The following CCM2 variants were observed in gnomAD, a reference collection of about 807,000 sequenced individuals.
The protein encoded by CCM2 is CCM2 scaffold protein.
CCM2 carries 25 observed loss-of-function variants against 44.9 expected under a neutral mutation model. That is an observed-to-expected ratio of 0.56 (90% CI 0.41 to 0.78). The LOEUF is 0.78. CCM2 is among the 30% of genes least tolerant of loss of function. The pLI is 0.00. For missense variants in CCM2, 481 were observed against 580.6 expected, an observed-to-expected ratio of 0.83 and a Z score of 1.76; for synonymous variants, 219 against 241.1, an observed-to-expected ratio of 0.91 and a Z score of 0.85.
chr7:45,021,256 C>T (rs1017810015), intron 1 of CCM2, among the ~76,000 whole-genome samples: 1 of 151,754 alleles, frequency 6.6e-6, no homozygotes, highest in South Asian at 2.1e-4. Flanking sequence ...GACCCTGTCT[C>T]TAAAAAATAA....
At chr7:45,014,310 T>G (rs1796176352) in intron 1 of CCM2, among the ~76,000 whole-genome samples, 1 of 151,940 alleles carries the variant, frequency 6.6e-6, no homozygotes, top group African/African-American at 2.4e-5. Context: ...CCGGCTAATT[T>G]TTGTATTTTT....
At chr7:45,050,940 A>C (rs1389644992) in intron 2 of CCM2, among the ~76,000 whole-genome samples, 1 of 152,186 alleles carries the variant, frequency 6.6e-6, no homozygotes, top group Admixed American at 6.5e-5. Context: ...AAGATGCCTG[A>C]AAATCATAGA....
intron 2 of CCM2, among the ~76,000 whole-genome samples, chr7:45,046,758 C>T (rs573788937): frequency 2.6e-4 from 40 of 152,156 alleles, no homozygotes; most frequent in Non-Finnish European, 5.1e-4. Flanking sequence ...AAATTTAAAA[C>T]TCTTGCTCTA....
At chr7:45,014,726 A>G (rs926211181) in intron 1 of CCM2, among the ~76,000 whole-genome samples, 2 of 149,486 alleles carry the variant, frequency 1.3e-5, no homozygotes, top group Non-Finnish European at 3.0e-5. Flanking sequence ...GGTTTAAGCG[A>G]TTCTCCTGCT....
At chr7:45,065,860 A>G (rs3735489) in intron 4 of CCM2, among the ~76,000 whole-genome samples, 20,206 of 152,164 alleles carry the variant, frequency 0.13, 1,654 homozygotes, top group Middle Eastern at 0.23. Context: ...CAGCCATACT[A>G]TCCGACACCA....
In CCM2 at chr7:45,064,647, G is replaced by T. The variant is rs745710633; in HGVS notation, c.472+1G>T. 5 of 1,613,810 alleles carry T rather than the reference G, an allele frequency of 3.1e-6. No individual in the cohort carries two copies. Among genetic ancestry groups the T allele is most frequent in the Non-Finnish European group, 4.2e-6 (5 of 1,180,014 alleles). On this transcript the variant is annotated splice_donor_variant, in intron 4 of 9. Coordinates refer to ENST00000258781, the MANE Select transcript of CCM2 (RefSeq NM_031443.4). LOFTEE classifies it high-confidence loss of function. The stretch of plus-strand genomic sequence containing the variant: ...GCACACCTGGTGGTCCTGAAGACAG[G>T]TACAGGAGGTCAGGGGTCAGGAGGG...
intron 1 of CCM2, among the ~76,000 whole-genome samples, chr7:45,012,442 CTTG>C (rs1796103775): frequency 6.6e-6 from 1 of 152,000 alleles, no homozygotes; most frequent in South Asian, 2.1e-4. Flanking sequence ...CCCATAATGT[CTTG>C]TTGAAATGAA....
chr7:45,023,035 C>A (rs1234490298), intron 1 of CCM2, among the ~76,000 whole-genome samples: 1 of 152,094 alleles, frequency 6.6e-6, no homozygotes, highest in Non-Finnish European at 1.5e-5. Flanking sequence ...GCCACCTCAC[C>A]CTGCAAGTCT....
chr7:45,070,333 G>A (rs1799003854), intron 6 of CCM2: 1 of 389,362 alleles, frequency 2.6e-6, no homozygotes, highest in South Asian at 1.9e-5. Context: ...GGTCTGGGGA[G>A]CCTCCTTTTC....
intron 2 of CCM2, among the ~76,000 whole-genome samples, chr7:45,042,652 A>G (rs1583913232): frequency 6.6e-6 from 1 of 152,202 alleles, no homozygotes; most frequent in South Asian, 2.1e-4. Flanking sequence ...AATCAAAAGG[A>G]TAATGAGAGA....
chr7:45,029,206 G>A lies in CCM2; in HGVS notation c.31-9047G>A, dbSNP rs527990451. On this transcript the variant is annotated intron_variant, in intron 1 of 9. Transcript: ENST00000258781. Reference sequence around the variant, plus strand: ...GGCTTCTACAGCCCCAGTGTCTGGCGCATAGTGAATACTCATGAGATGTAC... The same window carrying A: ...GGCTTCTACAGCCCCAGTGTCTGGCACATAGTGAATACTCATGAGATGTAC... Among the ~76,000 whole-genome samples the A allele has an allele frequency of 6.7e-4, 102 of 152,284 alleles. 2 individuals are homozygous for A. The highest frequency in any genetic ancestry group is 1.7e-3 in the Admixed American group (26 of 15,294).
At chr7:45,023,280 T>C (rs1216281128) in intron 1 of CCM2, among the ~76,000 whole-genome samples, 2 of 152,118 alleles carry the variant, frequency 1.3e-5, no homozygotes, top group Non-Finnish European at 2.9e-5. Context: ...CTGGGTGCAG[T>C]GGCTCACACC....
chr7:45,025,534 CTTT>C (rs5883920), intron 1 of CCM2, among the ~76,000 whole-genome samples: 14 of 113,250 alleles, frequency 1.2e-4, no homozygotes, highest in Admixed American at 1.7e-4. Flanking sequence ...CTCTCTTTTT[CTTT>C]TTTTTTTTTT....
At chr7:45,072,866 C>A (rs943926379) in intron 7 of CCM2, 83 bp downstream of exon 7, 5 of 1,139,212 alleles carry the variant, frequency 4.4e-6, no homozygotes, top group Non-Finnish European at 6.6e-6. Flanking sequence ...AGCCAGTCAG[C>A]TCCCCCATCT....
chr7:45,038,057 C>T (rs547142395), intron 1 of CCM2, among the ~76,000 whole-genome samples, 196 bp from the exon 2 acceptor site: 105 of 152,312 alleles, frequency 6.9e-4, no homozygotes, highest in African/African-American at 2.2e-3. Flanking sequence ...CCAGCCCCAC[C>T]GTGCCGGCCT....
intron 8 of CCM2, chr7:45,073,838 G>T: frequency 1.8e-6 from 1 of 561,142 alleles, no homozygotes; most frequent in Non-Finnish European, 3.2e-6. Flanking sequence ...GGAGGGGAGG[G>T]AACGGTGGCC....
chr7:45,058,513 C>T (rs949002232), intron 2 of CCM2, among the ~76,000 whole-genome samples: 6 of 135,620 alleles, frequency 4.4e-5, no homozygotes, highest in African/African-American at 1.7e-4. Context: ...TGTTCCCTTT[C>T]CTGTGTCCAT....
intron 4 of CCM2, 81 bp from the exon 5 acceptor site, chr7:45,068,362 A>G (rs1350512483): frequency 5.7e-6 from 9 of 1,587,944 alleles, no homozygotes; most frequent in African/African-American, 1.3e-5. Flanking sequence ...GCCTGTTTCC[A>G]TGGCGGCCTC....
intron 1 of CCM2, among the ~76,000 whole-genome samples, chr7:45,012,061 T>C (rs1796086218): frequency 6.6e-6 from 1 of 152,120 alleles, no homozygotes; most frequent in Non-Finnish European, 1.5e-5. Flanking sequence ...TTTTTCCCTT[T>C]AGTTAGTTTT....
Sources: allele counts gnomAD v4.1 joint callset (sites outside exome capture counted in the v4.1 genomes callset), GRCh38; gene constraint gnomAD v4.1.1; transcripts MANE v1.5; gene names NCBI Gene and HGNC (gene_info 2026-07-23, HGNC 2026-07-21).